Variants in EPB41L2 observed in about 807,000 individuals in gnomAD.
EPB41L2 encodes band 4.1-like protein 2.
A neutral mutation model predicts 113.0 loss-of-function variants in EPB41L2; 43 were observed. The observed-to-expected ratio is 0.38, with a 90% confidence interval of 0.30 to 0.49. EPB41L2 has a LOEUF of 0.49. Ranked by LOEUF, EPB41L2 falls within the 20% of genes least tolerant of loss-of-function variation. The pLI is 0.95. For missense variants in EPB41L2, 1,147 were observed against 1,223.4 expected (o/e 0.94, Z 0.93); for synonymous variants, 442 against 436.7 (o/e 1.01, Z -0.15).
chr6:130,976,815 A>G (rs565389975), intron 1 of EPB41L2, among the ~76,000 whole-genome samples: 2 of 152,326 alleles, frequency 1.3e-5, no homozygotes, highest in East Asian at 1.9e-4. Context: ...ATTCTATTTT[A>G]TGTCTAAGAA....
chr6:130,899,736 T>A, intron 7 of EPB41L2, among the ~76,000 whole-genome samples, 158 bp from the exon 8 acceptor site: 1 of 152,312 alleles, frequency 6.6e-6, no homozygotes, highest in Non-Finnish European at 1.5e-5. Flanking sequence ...ACTCTCAACC[T>A]CTAACATTTT....
chr6:130,930,403 G>A (rs1806423737), intron 3 of EPB41L2, among the ~76,000 whole-genome samples: 1 of 152,272 alleles, frequency 6.6e-6, no homozygotes, highest in East Asian at 1.9e-4. Flanking sequence ...CCAACATTAT[G>A]CTCAAAGAAA....
chr6:130,906,626 A>G (rs559485215), intron 5 of EPB41L2, among the ~76,000 whole-genome samples: 1 of 152,358 alleles, frequency 6.6e-6, no homozygotes, highest in South Asian at 2.1e-4. Context: ...TATGTTTCAG[A>G]AAATAAAGGT....
chr6:130,861,957 G>A (rs896701627), intron 18 of EPB41L2, among the ~76,000 whole-genome samples: 1 of 151,780 alleles, frequency 6.6e-6, no homozygotes, highest in African/African-American at 2.4e-5. Context: ...TCTGACCTCA[G>A]TTTTAGAAAG....
chr6:130,921,253 A>G lies in EPB41L2; in HGVS notation c.810+5352T>C, dbSNP rs572538324. ...CATCAACAGGTTCTTTCTGATATGCAAATCTGACCACGTTACTTCCTACTT... is the reference window on the plus strand; with the variant it reads ...CATCAACAGGTTCTTTCTGATATGCGAATCTGACCACGTTACTTCCTACTT... On this transcript the variant is annotated intron_variant, in intron 4 of 19. Coordinates refer to ENST00000337057, the MANE Select transcript of EPB41L2 (RefSeq NM_001431.4). 1.1e-4 allele frequency among the ~76,000 whole-genome samples: 17 copies of G among 152,286 alleles called. No individual in the cohort carries two copies. The East Asian group carries it at 3.3e-3, about 29-fold the overall frequency.
Position 131,030,156 on chromosome 6 carries a change from C to T in EPB41L2, c.-15+32999G>A, listed in dbSNP as rs149205676. On this transcript the variant is annotated intron_variant, in intron 1 of 19. Coordinates refer to ENST00000337057, the MANE Select transcript of EPB41L2 (RefSeq NM_001431.4). ...CAAGTGACTCGCTCAAGAATAAAGTCGGCAAGAGGCAAAGGCAGTGTGACT... is the reference window on the plus strand; with the variant it reads ...CAAGTGACTCGCTCAAGAATAAAGTTGGCAAGAGGCAAAGGCAGTGTGACT... 9.7e-4 allele frequency among the ~76,000 whole-genome samples: 147 copies of T among 152,258 alleles called. No homozygotes were observed. In the Middle Eastern group the frequency reaches 0.01, roughly 11 times the overall value.
At position 131,023,080 on chromosome 6, in the gene EPB41L2, G is replaced by A. The variant is rs189369999; in HGVS notation, c.-15+40075C>T. Reference sequence around the variant, plus strand: ...AACAATATAAAAGAAAATGAATATAGTATGTCCTAAAAAACTACGTTAGAT... The same window carrying A: ...AACAATATAAAAGAAAATGAATATAATATGTCCTAAAAAACTACGTTAGAT... On this transcript the variant is annotated intron_variant, in intron 1 of 19. Transcript: ENST00000337057. 1.6e-3 allele frequency among the ~76,000 whole-genome samples: 245 copies of A among 152,136 alleles called. 2 individuals are homozygous for A. Among genetic ancestry groups the A allele is most frequent in the African/African-American group, 5.5e-3 (229 of 41,520 alleles).
Position 130,865,561 on chromosome 6 carries a change from G to T in EPB41L2, c.2804C>A (p.Thr935Lys). 1 of 1,614,186 alleles carries T rather than the reference G, an allele frequency of 6.2e-7. No homozygotes were observed. Among genetic ancestry groups the T allele is most frequent in the East Asian group, 2.2e-5 (1 of 44,884 alleles). The stretch of plus-strand genomic sequence containing the variant: ...CTTGGTGATGTGTGTGGTTGTCGTT[G>T]TTGACACGGACTCAGATGTGATGGT... ...AQTITSESVS[T>K]TTTTHITKTV... The change falls in exon 17 of 20, where the codon ACA (threonine) becomes AAA (lysine). Residue 935 changes from threonine (T) to lysine (K), a missense_variant. Physicochemically the swap from Thr to Lys is moderately conservative, Grantham distance 78. Coordinates refer to ENST00000337057, the MANE Select transcript of EPB41L2 (RefSeq NM_001431.4).
At chr6:131,005,463 T>C (rs1785276458) in intron 1 of EPB41L2, among the ~76,000 whole-genome samples, 1 of 152,170 alleles carries the variant, frequency 6.6e-6, no homozygotes. Flanking sequence ...CCAATACCTC[T>C]GGGCCATGCT....
intron 19 of EPB41L2, among the ~76,000 whole-genome samples, chr6:130,852,821 A>G (rs1779153025): frequency 6.6e-6 from 1 of 152,132 alleles, no homozygotes; most frequent in African/African-American, 2.4e-5. Flanking sequence ...AGTATCCCAC[A>G]ATCCAGCTAC....
intron 4 of EPB41L2, among the ~76,000 whole-genome samples, chr6:130,924,216 C>T (rs1803852575): frequency 6.6e-6 from 1 of 152,158 alleles, no homozygotes; most frequent in Non-Finnish European, 1.5e-5. Flanking sequence ...TGTATGTATA[C>T]ACCACATTTT....
intron 19 of EPB41L2, among the ~76,000 whole-genome samples, chr6:130,842,128 T>G (rs1775708275): frequency 1.3e-5 from 2 of 152,206 alleles, no homozygotes; most frequent in African/African-American, 4.8e-5. Context: ...AAATTAAGTC[T>G]TGCTTTAATG....
intron 11 of EPB41L2, among the ~76,000 whole-genome samples, chr6:130,885,633 C>T (rs1468827979): frequency 2.0e-5 from 3 of 152,014 alleles, no homozygotes; most frequent in Non-Finnish European, 2.9e-5. Flanking sequence ...TGGTCTCCTA[C>T]GATTTATTTC....
intron 14 of EPB41L2, among the ~76,000 whole-genome samples, chr6:130,873,015 A>C (rs2128453840): frequency 6.6e-6 from 1 of 151,954 alleles, no homozygotes; most frequent in Non-Finnish European, 1.5e-5. Context: ...CCTGAGGCCC[A>C]CTTCATAGTC....
At chr6:130,901,245 G>C (rs944200787) in intron 6 of EPB41L2, 65 bp from the exon 7 acceptor site, 2 of 1,433,042 alleles carry the variant, frequency 1.4e-6, no homozygotes, top group Non-Finnish European at 1.9e-6. Context: ...AGCACTCACA[G>C]TCCTTAAAAG....
chr6:130,856,093 T>C (rs1450482692), intron 19 of EPB41L2, among the ~76,000 whole-genome samples: 1 of 152,192 alleles, frequency 6.6e-6, no homozygotes. Context: ...TGGCTACTTA[T>C]GTAGGAAACT....
intron 4 of EPB41L2, among the ~76,000 whole-genome samples, chr6:130,924,614 T>C (rs1804024064): frequency 6.6e-6 from 1 of 152,012 alleles, no homozygotes; most frequent in South Asian, 2.1e-4. Context: ...GCTCCTGACC[T>C]CATGATCTGC....
chr6:130,989,557 G>C (rs1250946550), intron 1 of EPB41L2, among the ~76,000 whole-genome samples: 1 of 152,154 alleles, frequency 6.6e-6, no homozygotes, highest in East Asian at 1.9e-4. Context: ...TTTGAGGTCT[G>C]CTCTATACTG....
chr6:130,943,866 C>G (rs957523769), intron 3 of EPB41L2, among the ~76,000 whole-genome samples: 1 of 152,118 alleles, frequency 6.6e-6, no homozygotes, highest in Non-Finnish European at 1.5e-5. Flanking sequence ...ACAACCTGGT[C>G]TGATAGCAGC....
Sources: gnomAD v4.1 joint callset for allele counts (sites outside exome capture counted in the v4.1 genomes callset) on GRCh38, gnomAD v4.1.1 for gene constraint, MANE v1.5 for transcripts, NCBI Gene and HGNC (gene_info 2026-07-23, HGNC 2026-07-21) for gene names.